Variants in PPM1L observed in about 807,000 individuals in gnomAD.
PPM1L encodes the protein protein phosphatase 1L.
PPM1L carries 13 observed loss-of-function variants against 31.4 expected under a neutral mutation model. That is an observed-to-expected ratio of 0.41 (90% CI 0.27 to 0.66). PPM1L has a LOEUF of 0.66. Among genes scored for constraint, PPM1L ranks in the 30% least tolerant of loss-of-function variants. The pLI is 0.29. For synonymous variants in PPM1L, 184 were observed against 175.4 expected (o/e 1.05, Z -0.39); for missense variants, 326 against 453.7 (o/e 0.72, Z 2.56).
At chr3:160,955,654 CT>C (rs34686234) in intron 1 of PPM1L, among the ~76,000 whole-genome samples, 3,042 of 134,478 alleles carry the variant, frequency 0.023, 100 homozygotes, top group African/African-American at 0.077. Flanking sequence ...AACAAGTTTT[CT>C]TTTTTTTTTT....
chr3:160,885,388 G>A (rs1234901010), intron 1 of PPM1L, among the ~76,000 whole-genome samples: 3 of 152,226 alleles, frequency 2.0e-5, no homozygotes, highest in African/African-American at 7.2e-5. Flanking sequence ...TAGGTAGGAT[G>A]TTCTTGTGTT....
Position 161,014,873 on chromosome 3 carries a change from A to G in PPM1L, c.575-50530A>G, listed in dbSNP as rs113799519. Among the ~76,000 whole-genome samples the G allele has an allele frequency of 5.7e-3, 861 of 152,322 alleles. 3 individuals are homozygous for G. Among genetic ancestry groups the G allele is most frequent in the African/African-American group, 0.02 (833 of 41,582 alleles). ...GGGATATTTGGGGATGGGGGGAGTC[A>G]TATTGTAACACCTCCAAGCAACTGA... On this transcript the variant is annotated intron_variant, in intron 2 of 3. Coordinates refer to ENST00000498165, the MANE Select transcript of PPM1L (RefSeq NM_139245.4).
Position 160,973,614 on chromosome 3 carries a change from C to G in PPM1L, c.574+11704C>G, listed in dbSNP as rs1438666257. On this transcript the variant is annotated intron_variant, in intron 2 of 3. Transcript: ENST00000498165. ...GTAGTAGTGAGAGGTAGGTAAAATG[C>G]ATCCTTGGTTGACTCTCAGACTCTG... Among the ~76,000 whole-genome samples the G allele has an allele frequency of 2.6e-5, 4 of 152,148 alleles. No individual in the cohort carries two copies. The East Asian group carries it at 7.7e-4, about 29-fold the overall frequency.
intron 1 of PPM1L, among the ~76,000 whole-genome samples, chr3:160,804,522 A>G (rs986743289): frequency 6.6e-6 from 1 of 152,196 alleles, no homozygotes; most frequent in Non-Finnish European, 1.5e-5. Context: ...TTTACTGAAT[A>G]AATAGTCTTT....
chr3:160,869,457 G>A (rs1712221077), intron 1 of PPM1L, among the ~76,000 whole-genome samples: 1 of 152,062 alleles, frequency 6.6e-6, no homozygotes, highest in Admixed American at 6.5e-5. Context: ...CCTTATGTTA[G>A]GCATAAGGCT....
At chr3:160,998,812 G>C (rs1034995302) in intron 2 of PPM1L, among the ~76,000 whole-genome samples, 5 of 152,114 alleles carry the variant, frequency 3.3e-5, no homozygotes, top group African/African-American at 1.2e-4. Flanking sequence ...TATGATCCTG[G>C]TAAACCCAGA....
intron 2 of PPM1L, among the ~76,000 whole-genome samples, chr3:161,036,329 C>G (rs767847124): frequency 3.9e-5 from 6 of 152,114 alleles, no homozygotes; most frequent in Non-Finnish European, 7.4e-5. Context: ...AATAGCATGG[C>G]CCTTGGAACC....
At chr3:160,862,666 A>ACACACACG (rs1186179522) in intron 1 of PPM1L, among the ~76,000 whole-genome samples, 11 of 125,846 alleles carry the variant, frequency 8.7e-5, no homozygotes, top group Admixed American at 8.5e-4. Flanking sequence ...GCACACGCAC[A>ACACACACG]CACACACACA....
At chr3:160,943,049 CT>C (rs1313515301) in intron 1 of PPM1L, among the ~76,000 whole-genome samples, 4 of 151,950 alleles carry the variant, frequency 2.6e-5, no homozygotes, top group Non-Finnish European at 4.4e-5. Flanking sequence ...ACTCATGTAC[CT>C]TTCTCCAGTA....
chr3:160,926,159 C>A (rs1054484916), intron 1 of PPM1L, among the ~76,000 whole-genome samples: 17 of 152,116 alleles, frequency 1.1e-4, no homozygotes, highest in African/African-American at 3.9e-4. Context: ...TGCCCCTTTG[C>A]CCCTTTCCTC....
intron 2 of PPM1L, among the ~76,000 whole-genome samples, chr3:161,062,768 G>A (rs757660305): frequency 6.6e-5 from 10 of 152,154 alleles, no homozygotes; most frequent in East Asian, 1.9e-4. Flanking sequence ...GTTGAAATGC[G>A]GCTGGGGAAG....
At chr3:161,027,100 A>T (rs1042054565) in intron 2 of PPM1L, among the ~76,000 whole-genome samples, 1 of 152,240 alleles carries the variant, frequency 6.6e-6, no homozygotes, top group African/African-American at 2.4e-5. Flanking sequence ...GCTTTAAATA[A>T]GCTAACTGAT....
chr3:160,970,409 A>G (rs1231848820), intron 2 of PPM1L, among the ~76,000 whole-genome samples: 1 of 151,378 alleles, frequency 6.6e-6, no homozygotes, highest in Non-Finnish European at 1.5e-5. Flanking sequence ...GAGGCTACGT[A>G]GGTGACTAAT....
chr3:160,757,956 G>T (rs988427039), intron 1 of PPM1L, among the ~76,000 whole-genome samples: 1 of 152,102 alleles, frequency 6.6e-6, no homozygotes, highest in African/African-American at 2.4e-5. Context: ...TATCTTATCC[G>T]CATTCCTTAC....
In PPM1L at chr3:160,847,049, A is replaced by G. The variant is rs1355737809; in HGVS notation, c.399+90342A>G. On this transcript the variant is annotated intron_variant, in intron 1 of 3. Coordinates refer to ENST00000498165, the MANE Select transcript of PPM1L (RefSeq NM_139245.4). The stretch of plus-strand genomic sequence containing the variant: ...GTATTGCTATTAGGCAAAGCATATA[A>G]ATCCAGAACTCTGAATCTGGTAGCA... 3.3e-5 allele frequency among the ~76,000 whole-genome samples: 5 copies of G among 152,180 alleles called. No individual in the cohort carries two copies. In the East Asian group the frequency reaches 9.6e-4, roughly 29 times the overall value.
Position 161,069,218 on chromosome 3 carries a change from A to C in PPM1L, c.*61A>C. The C allele has an allele frequency of 8.0e-7, 1 of 1,256,864 alleles. No individual in the cohort carries two copies. The highest frequency in any genetic ancestry group is 1.1e-6 in the Non-Finnish European group (1 of 910,710). The allele number at this position is 1,256,864 out of a possible 1,614,324, so 77.9% of individuals were successfully genotyped here. A position where few individuals can be genotyped will look rare whatever the true frequency, so the allele number is the denominator to read the frequency against. ...ACTTTCAACACACTGGTCTCTTTTA[A>C]TTTAGTGAAAAGTGTGGGAGTTGTA... On this transcript the variant is annotated 3_prime_UTR_variant, in exon 4 of 4. Coordinates refer to ENST00000498165, the MANE Select transcript of PPM1L (RefSeq NM_139245.4).
chr3:160,807,512 A>G (rs754888764), intron 1 of PPM1L, among the ~76,000 whole-genome samples: 32 of 152,124 alleles, frequency 2.1e-4, no homozygotes, highest in Non-Finnish European at 4.4e-5. Flanking sequence ...TCTTTCTTCC[A>G]TATTCTTCTT....
intron 1 of PPM1L, among the ~76,000 whole-genome samples, chr3:160,959,185 AG>A (rs1243984688): frequency 3.3e-5 from 5 of 152,132 alleles, no homozygotes; most frequent in Admixed American, 2.6e-4. Flanking sequence ...TTCTATGTGA[AG>A]TAACTCAGAA....
chr3:160,792,045 A>G (rs1352759124), intron 1 of PPM1L, among the ~76,000 whole-genome samples: 2 of 152,152 alleles, frequency 1.3e-5, no homozygotes, highest in African/African-American at 4.8e-5. Flanking sequence ...TGGCTGAACT[A>G]CTGTGGTAAT....
Sources: allele counts gnomAD v4.1 joint callset (sites outside exome capture counted in the v4.1 genomes callset), GRCh38; gene constraint gnomAD v4.1.1; transcripts MANE v1.5; gene names NCBI Gene and HGNC (gene_info 2026-07-23, HGNC 2026-07-21).